Variants in COL22A1 observed in about 807,000 individuals in gnomAD.
The protein encoded by COL22A1 is collagen alpha-1(XXII) chain.
Under a neutral mutation model 248.9 loss-of-function variants are expected in COL22A1, and 221 were observed. The observed-to-expected ratio is 0.89, with a 90% CI of 0.80 to 0.99. The LOEUF is 0.99. COL22A1 is among the 50% of genes least tolerant of loss of function. COL22A1 has a pLI of 0.00. For missense variants in COL22A1, 2,240 were observed against 2,179.0 expected, an observed-to-expected ratio of 1.03 and a Z score of -0.56; for synonymous variants, 891 against 793.4, an observed-to-expected ratio of 1.12 and a Z score of -2.07.
chr8:138,723,938 C>G (rs1830103259), intron 25 of COL22A1, among the ~76,000 whole-genome samples: 1 of 152,188 alleles, frequency 6.6e-6, no homozygotes, highest in South Asian at 2.1e-4. Context: ...CACCCCTCCT[C>G]CAGCATCAGG....
intron 48 of COL22A1, among the ~76,000 whole-genome samples, chr8:138,636,457 C>A (rs1392284418): frequency 7.1e-5 from 2 of 28,126 alleles, no homozygotes; most frequent in African/African-American, 1.9e-4. Context: ...TAAAATAGTA[C>A]AAAAAGAAAG....
At chr8:138,847,768 C>T (rs1327819074) in intron 3 of COL22A1, among the ~76,000 whole-genome samples, 1 of 149,340 alleles carries the variant, frequency 6.7e-6, no homozygotes, top group Non-Finnish European at 1.5e-5. Context: ...ATCAAACAAG[C>T]AATTCCAATC....
intron 1 of COL22A1, among the ~76,000 whole-genome samples, chr8:138,908,639 G>A (rs188861359): frequency 3.6e-4 from 55 of 152,236 alleles, no homozygotes; most frequent in Non-Finnish European, 1.9e-4. Flanking sequence ...TGTAAAGGGG[G>A]TAACAGCATA....
At chr8:138,729,444 G>A (rs752510901) in intron 23 of COL22A1, among the ~76,000 whole-genome samples, 1 of 152,194 alleles carries the variant, frequency 6.6e-6, no homozygotes, top group Non-Finnish European at 1.5e-5. Flanking sequence ...ACACAGCAGA[G>A]GTTGAGTCAC....
rs567911297 is a variant in COL22A1, at chr8:138,874,334, G to A, written c.658+3416C>T. On this transcript the variant is annotated intron_variant, in intron 3 of 64. Coordinates refer to ENST00000303045, the MANE Select transcript of COL22A1 (RefSeq NM_152888.3). ...TGATCAGGGCGGACGTGTGTTCTGG[G>A]CTGGCCTGTGTAGGGTTTCCCTTTC... Among the ~76,000 whole-genome samples, 49 of 152,256 alleles carry A rather than the reference G, an allele frequency of 3.2e-4. 1 individual carries two copies. The South Asian group carries it at 7.2e-3, about 23-fold the overall frequency.
At chr8:138,804,805 T>TGA (rs1817332990) in intron 10 of COL22A1, among the ~76,000 whole-genome samples, 1 of 142,436 alleles carries the variant, frequency 7.0e-6, no homozygotes, top group African/African-American at 2.8e-5. Context: ...TGTGTGTGTG[T>TGA]GATGGGATGT....
intron 49 of COL22A1, 125 bp downstream of exon 49, chr8:138,634,885 C>T (rs1202492829): frequency 1.4e-6 from 1 of 739,834 alleles, no homozygotes; most frequent in Non-Finnish European, 2.3e-6. Flanking sequence ...ACTCTGTCAC[C>T]TTTTGGGTGT....
chr8:138,841,688 G>C lies in COL22A1; in HGVS notation c.733+2396C>G, dbSNP rs570362006. ...TTAGAAAGACAGCCCTTGACGAAGAGGAGGGAAGAGGGCAGTGCTGGAGGT... is the reference window on the plus strand; with the variant it reads ...TTAGAAAGACAGCCCTTGACGAAGACGAGGGAAGAGGGCAGTGCTGGAGGT... On this transcript the variant is annotated intron_variant, in intron 4 of 64. Coordinates refer to ENST00000303045, the MANE Select transcript of COL22A1 (RefSeq NM_152888.3). Among the ~76,000 whole-genome samples, 8 of 152,284 alleles carry C rather than the reference G, an allele frequency of 5.3e-5. No homozygotes were observed. In the South Asian group the frequency reaches 6.2e-4, roughly 12 times the overall value.
intron 22 of COL22A1, among the ~76,000 whole-genome samples, chr8:138,742,706 A>G (rs866420129): frequency 8.9e-4 from 73 of 82,068 alleles, no homozygotes; most frequent in African/African-American, 2.0e-3. Context: ...GATGGTGATG[A>G]TGATGGTAGA....
At chr8:138,656,153 T>G (rs1404792885) in intron 44 of COL22A1, among the ~76,000 whole-genome samples, 1 of 152,174 alleles carries the variant, frequency 6.6e-6, no homozygotes, top group Non-Finnish European at 1.5e-5. Context: ...AGACTGCCAG[T>G]CCTAACCAAG....
intron 44 of COL22A1, among the ~76,000 whole-genome samples, chr8:138,660,154 A>G (rs548473255): frequency 2.8e-4 from 43 of 152,352 alleles, no homozygotes; most frequent in African/African-American, 1.0e-3. Flanking sequence ...CCTTGGGCCA[A>G]GCCTTCTGAC....
intron 22 of COL22A1, among the ~76,000 whole-genome samples, chr8:138,750,088 C>T (rs1462867707): frequency 1.3e-5 from 2 of 152,158 alleles, no homozygotes; most frequent in Non-Finnish European, 2.9e-5. Flanking sequence ...ACACAAGCTC[C>T]CTCTTTGCCT....
intron 45 of COL22A1, 35 bp downstream of exon 45, chr8:138,655,853 ATCACCATTT>A (rs1564151197): frequency 6.6e-7 from 1 of 1,506,008 alleles, no homozygotes. Context: ...CAATCCCGCC[ATCACCATTT>A]TCAAAACACA....
intron 22 of COL22A1, among the ~76,000 whole-genome samples, chr8:138,748,902 G>A (rs1197766451): frequency 6.6e-6 from 1 of 152,164 alleles, no homozygotes; most frequent in African/African-American, 2.4e-5. Context: ...ATCTCATCTT[G>A]ACTCCCATAA....
intron 5 of COL22A1, 31 bp downstream of exon 5, chr8:138,833,008 G>T (rs1166462402): frequency 1.4e-6 from 2 of 1,425,214 alleles, no homozygotes; most frequent in South Asian, 2.3e-5. Context: ...TGACACCCTG[G>T]GCAGGTCTGG....
At chr8:138,594,795 T>A (rs1395597745) in intron 62 of COL22A1, among the ~76,000 whole-genome samples, 1 of 152,126 alleles carries the variant, frequency 6.6e-6, no homozygotes, top group Non-Finnish European at 1.5e-5. Flanking sequence ...AAACTGATGC[T>A]GGGGTGGAGG....
chr8:138,633,944 C>T (rs1018375516), intron 49 of COL22A1, among the ~76,000 whole-genome samples: 5 of 152,102 alleles, frequency 3.3e-5, no homozygotes, highest in Non-Finnish European at 4.4e-5. Context: ...ACATCAAAGG[C>T]GCTTGGGAGG....
intron 49 of COL22A1, among the ~76,000 whole-genome samples, chr8:138,634,042 G>T (rs1270588936): frequency 6.6e-6 from 1 of 152,128 alleles, no homozygotes; most frequent in African/African-American, 2.4e-5. Context: ...TTGTGAGTTT[G>T]CTCTAAAAGT....
At chr8:138,691,266 A>T (rs778742334) in intron 35 of COL22A1, among the ~76,000 whole-genome samples, 1 of 152,180 alleles carries the variant, frequency 6.6e-6, no homozygotes, top group Non-Finnish European at 1.5e-5. Context: ...AACAGTTCAG[A>T]TCTCAGTTGC....
Sources: allele counts gnomAD v4.1 joint callset (sites outside exome capture counted in the v4.1 genomes callset), GRCh38; gene constraint gnomAD v4.1.1; transcripts MANE v1.5; gene names NCBI Gene and HGNC (gene_info 2026-07-23, HGNC 2026-07-21).